CDH17: variants seen among roughly 807,000 people sequenced by gnomAD.
The protein encoded by CDH17 is cadherin 17.
A neutral mutation model predicts 86.3 loss-of-function variants in CDH17; 67 were observed. The observed-to-expected ratio is 0.78, with a 90% confidence interval of 0.64 to 0.95. The LOEUF is 0.95. Ranked by LOEUF, CDH17 falls within the 40% of genes least tolerant of loss-of-function variation. The pLI is 0.00. For missense variants in CDH17, 993 were observed against 1,017.6 expected (o/e 0.98, Z 0.33); for synonymous variants, 367 against 366.4 (o/e 1.00, Z -0.02).
intron 13 of CDH17, among the ~76,000 whole-genome samples, chr8:94,149,961 T>C (rs1246995214): frequency 6.6e-6 from 1 of 152,174 alleles, no homozygotes; most frequent in East Asian, 1.9e-4. Context: ...AAAAACCCAA[T>C]TTAATCAAAG....
chr8:94,160,238 G>A (rs543726654), intron 11 of CDH17, 76 bp from the exon 12 acceptor site: 2 of 1,132,352 alleles, frequency 1.8e-6, no homozygotes, highest in South Asian at 3.2e-5. Flanking sequence ...TATCTCTCTG[G>A]TTTCAGAATA....
intron 15 of CDH17, among the ~76,000 whole-genome samples, chr8:94,145,493 T>C (rs767089438): frequency 2.6e-5 from 4 of 152,176 alleles, no homozygotes; most frequent in African/African-American, 7.2e-5. Context: ...GAGATTATAA[T>C]AGGGCATGAA....
chr8:94,154,250 A>G (rs1812908208), intron 12 of CDH17, among the ~76,000 whole-genome samples: 1 of 152,214 alleles, frequency 6.6e-6, no homozygotes, highest in Non-Finnish European at 1.5e-5. Context: ...TCTTTTCTGC[A>G]GGTCTTACCA....
At chr8:94,188,944 C>T (rs1354698997) in intron 3 of CDH17, among the ~76,000 whole-genome samples, 2 of 152,140 alleles carry the variant, frequency 1.3e-5, no homozygotes, top group African/African-American at 2.4e-5. Context: ...CACCAAGCTC[C>T]CTGCAGAGGG....
chr8:94,213,235 G>A (rs1846940247), upstream of CDH17, among the ~76,000 whole-genome samples: 1 of 152,216 alleles, frequency 6.6e-6, no homozygotes, highest in Admixed American at 6.5e-5. Flanking sequence ...GTCTCCCAAA[G>A]TGCTGGTATT....
At position 94,200,532 on chromosome 8, in the gene CDH17, CTTTTGTTTTTTTTTTTTTTT is replaced by C. The variant is rs1269561303; in HGVS notation, c.-20-5847_-20-5828del. Among the ~76,000 whole-genome samples, 14 of 50,242 alleles carry C rather than the reference CTTTTGTTTTTTTTTTTTTTT, an allele frequency of 2.8e-4. 1 individual carries two copies. Among genetic ancestry groups the C allele is most frequent in the Admixed American group, 1.2e-3 (5 of 4,266 alleles). 33.0% of individuals were successfully genotyped at this position (50,242 alleles called of 152,430 possible). Reference sequence around the variant, plus strand: ...TAGATCAGAGGGTTATTATTATTATCTTTTGTTTTTTTTTTTTTTTTTTTTTTTTTTTTTTTACAAAAAAA... The same window carrying C: ...TAGATCAGAGGGTTATTATTATTATCTTTTTTTTTTTTTTTTACAAAAAAA... On this transcript the variant is annotated intron_variant, in intron 1 of 17. Coordinates refer to ENST00000027335, the MANE Select transcript of CDH17 (RefSeq NM_004063.4).
intron 13 of CDH17, among the ~76,000 whole-genome samples, chr8:94,150,070 A>C (rs1449200225): frequency 6.6e-6 from 1 of 152,256 alleles, no homozygotes; most frequent in Non-Finnish European, 1.5e-5. Flanking sequence ...AATCATTAAA[A>C]AAGTATGATG....
At chr8:94,168,139 TA>T (rs1813198182) in intron 9 of CDH17, among the ~76,000 whole-genome samples, 1 of 108,292 alleles carries the variant, frequency 9.2e-6, no homozygotes, top group Admixed American at 9.3e-5. Flanking sequence ...TATATATATA[TA>T]TATATATATA....
At chr8:94,138,137 A>T (rs1177692370) in intron 15 of CDH17, among the ~76,000 whole-genome samples, 4 of 152,152 alleles carry the variant, frequency 2.6e-5, no homozygotes, top group Non-Finnish European at 5.9e-5. Context: ...CAAAAATTTG[A>T]TTTTGCTACA....
chr8:94,173,406 T>C (rs1813306085), intron 7 of CDH17, among the ~76,000 whole-genome samples: 1 of 152,138 alleles, frequency 6.6e-6, no homozygotes, highest in South Asian at 2.1e-4. Context: ...CTTGCTCCCA[T>C]TGTCGTCATA....
intron 15 of CDH17, among the ~76,000 whole-genome samples, chr8:94,139,115 G>T (rs918650096): frequency 2.0e-5 from 3 of 152,092 alleles, no homozygotes; most frequent in African/African-American, 4.8e-5. Flanking sequence ...TGTTCAAGAA[G>T]CTACAAGACT....
intron 11 of CDH17, among the ~76,000 whole-genome samples, chr8:94,161,126 G>T (rs987089848): frequency 6.6e-6 from 1 of 152,184 alleles, no homozygotes; most frequent in African/African-American, 2.4e-5. Flanking sequence ...TCAAGTGCAG[G>T]ATTCTTACCC....
At chr8:94,213,218 T>G (rs1016384009), upstream of CDH17, among the ~76,000 whole-genome samples, 1 of 152,224 alleles carries the variant, frequency 6.6e-6, no homozygotes, top group Non-Finnish European at 1.5e-5. Flanking sequence ...GTGATTCTCC[T>G]GCCTCGGTCT....
intron 12 of CDH17, 21 bp from the exon 13 acceptor site, chr8:94,152,133 A>G: frequency 6.2e-7 from 1 of 1,611,130 alleles, no homozygotes; most frequent in Non-Finnish European, 8.5e-7. Flanking sequence ...GAAAGAGAGA[A>G]AATTAATTTT....
intron 10 of CDH17, among the ~76,000 whole-genome samples, chr8:94,163,542 T>A (rs1236234246): frequency 6.6e-6 from 1 of 152,254 alleles, no homozygotes; most frequent in Non-Finnish European, 1.5e-5. Flanking sequence ...CCTGGCTCCT[T>A]CAGGTTTTAG....
At chr8:94,174,734 A>C (rs1020100388) in intron 5 of CDH17, among the ~76,000 whole-genome samples, 10 of 152,170 alleles carry the variant, frequency 6.6e-5, no homozygotes, top group African/African-American at 2.4e-4. Flanking sequence ...ATTTTCCTTC[A>C]TATATTTCAA....
chr8:94,181,538 C>G (rs572894859), intron 3 of CDH17, among the ~76,000 whole-genome samples: 41 of 151,552 alleles, frequency 2.7e-4, no homozygotes, highest in African/African-American at 9.2e-4. Flanking sequence ...ACTCTAAAAA[C>G]CAAAGGTCAA....
rs547481117 is a variant in CDH17 at position 94,177,491 on chromosome 8, G to T, written c.285+96C>A. The T allele has an allele frequency of 3.9e-6, 5 of 1,289,138 alleles. No homozygotes were observed. The East Asian group carries it at 1.2e-4, about 30-fold the overall frequency. The allele number at this position is 1,289,138 out of a possible 1,614,324, so 79.9% of individuals were successfully genotyped here. The stretch of plus-strand genomic sequence containing the variant: ...ATTAATGTAAGGAAAGCTGTAACTG[G>T]ATTCTGTGCAAGGAAGGAAGGTGCC... On this transcript the variant is annotated intron_variant, in intron 4 of 17. Coordinates refer to ENST00000027335, the MANE Select transcript of CDH17 (RefSeq NM_004063.4).
chr8:94,207,385 C>T (rs1482341612), intron 1 of CDH17, among the ~76,000 whole-genome samples: 1 of 152,202 alleles, frequency 6.6e-6, no homozygotes, highest in Non-Finnish European at 1.5e-5. Flanking sequence ...ATCTAATTTA[C>T]TTCTCACAAC....
Sources: gnomAD v4.1 joint callset for allele counts (sites outside exome capture counted in the v4.1 genomes callset) on GRCh38, gnomAD v4.1.1 for gene constraint, MANE v1.5 for transcripts, NCBI Gene and HGNC (gene_info 2026-07-23, HGNC 2026-07-21) for gene names.